The following INTS6 variants were observed in gnomAD, a reference collection of about 807,000 sequenced individuals.
The protein encoded by INTS6 is integrator complex subunit 6.
INTS6 carries 16 observed loss-of-function variants against 104.9 expected under a neutral mutation model. The ratio of observed to expected loss-of-function variants is 0.15; its 90% CI spans 0.10 to 0.23. The LOEUF (loss-of-function observed/expected upper bound fraction) is 0.23. INTS6 is among the 10% of genes least tolerant of loss of function. The pLI is 1.00. For missense variants in INTS6, 584 were observed against 1,062.8 expected (o/e 0.55, Z 6.26); for synonymous variants, 324 against 358.7 (o/e 0.90, Z 1.09).
In INTS6 at chr13:51,383,430, T is replaced by G. The variant is rs1260885549; in HGVS notation, c.1079A>C (p.Glu360Ala). The G allele has an allele frequency of 2.5e-6, 4 of 1,613,998 alleles. No homozygotes were observed. Among genetic ancestry groups the G allele is most frequent in the Non-Finnish European group, 3.4e-6 (4 of 1,179,960 alleles). ...CAAGTAACCAAAAGGATGACCAAGT[T>G]CACTGTATTTTGCACTATTGCTCAC... ...VYVSNSAKYS[E>A]LGHPFGYLKA... The change falls in exon 9 of 18, where the codon GAA (glutamate) becomes GCA (alanine). Residue 360 changes from glutamate (E) to alanine (A), a missense_variant. Transcript: ENST00000311234.
chr13:51,360,287 C>T (rs1955551489), downstream of INTS6, among the ~76,000 whole-genome samples: 1 of 151,652 alleles, frequency 6.6e-6, no homozygotes, highest in Admixed American at 6.6e-5. Flanking sequence ...AGCTGACTAG[C>T]ATACACTTTC....
At chr13:51,365,947 C>A in intron 17 of INTS6, 102 bp from the exon 18 acceptor site, 1 of 585,576 alleles carries the variant, frequency 1.7e-6, no homozygotes, top group Non-Finnish European at 2.9e-6. Context: ...GAAGATTTTT[C>A]AAAGTGAAAT....
chr13:51,368,617 T>C (rs1256487826), intron 16 of INTS6, among the ~76,000 whole-genome samples: 2 of 152,180 alleles, frequency 1.3e-5, no homozygotes, highest in African/African-American at 2.4e-5. Context: ...CATTTAATTT[T>C]CACTATATCT....
At chr13:51,367,169 A>G (rs749977832) in intron 17 of INTS6, among the ~76,000 whole-genome samples, 54 of 152,038 alleles carry the variant, frequency 3.6e-4, no homozygotes, top group Non-Finnish European at 7.2e-4. Flanking sequence ...TACATTATTT[A>G]TAATACTAAT....
At chr13:51,424,324 T>C (rs1245847244) in intron 4 of INTS6, among the ~76,000 whole-genome samples, 1 of 151,982 alleles carries the variant, frequency 6.6e-6, no homozygotes, top group Non-Finnish European at 1.5e-5. Context: ...AATTTCTCCA[T>C]TGTTGTGTTT....
chr13:51,434,654 T>C (rs74322538), intron 3 of INTS6, among the ~76,000 whole-genome samples: 1,733 of 152,226 alleles, frequency 0.011, 26 homozygotes, highest in East Asian at 0.071. Context: ...CTCTATTATA[T>C]AAATGTTTGA....
rs925488026 is a variant in INTS6 at position 51,452,637 on chromosome 13, C to A, written c.-112G>T. The A allele has an allele frequency of 2.7e-6, 4 of 1,505,388 alleles. No homozygotes were observed. The highest frequency in any genetic ancestry group is 3.6e-6 in the Non-Finnish European group (4 of 1,125,816). The allele number at this position is 1,505,388 out of a possible 1,614,324, so 93.3% of individuals were successfully genotyped here. On this transcript the variant is annotated 5_prime_UTR_variant, in exon 1 of 18. Coordinates refer to ENST00000311234, the MANE Select transcript of INTS6 (RefSeq NM_012141.3). The surrounding 1 kb of genome is among the most constrained non-coding windows in gnomAD (Gnocchi z 4.2). ...ACGCGGGGCGGGGGAGCACGGCCCC[C>A]GGGAGGAAAACACTGTCTGGGTCTT... is the stretch of plus-strand genomic sequence containing the variant.
chr13:51,362,759 AT>A lies in INTS6; in HGVS notation c.*2992del, dbSNP rs1384753503. 6.6e-6 allele frequency: 1 copy of A among 152,474 alleles called. No individual in the cohort carries two copies. Among genetic ancestry groups the A allele is most frequent in the Non-Finnish European group, 1.5e-5 (1 of 67,926 alleles). 9.4% of individuals were successfully genotyped at this position (152,474 alleles called of 1,614,324 possible). A position where few individuals can be genotyped will look rare whatever the true frequency, so the allele number is the denominator to read the frequency against. ...TAGTTTTACATAAATTGTTAAGGAA[AT>A]ACTGTCAACATCATTTTATCTGAGA... On this transcript the variant is annotated 3_prime_UTR_variant, in exon 18 of 18. Transcript: ENST00000311234.
chr13:51,452,998 C>A lies in INTS6; in HGVS notation c.-473G>T, dbSNP rs1953099598. 9.9e-7 allele frequency: 1 copy of A among 1,006,198 alleles called. No individual in the cohort carries two copies. Among genetic ancestry groups the A allele is most frequent in the Non-Finnish European group, 1.2e-6 (1 of 842,494 alleles). The allele number at this position is 1,006,198 out of a possible 1,614,324, so 62.3% of individuals were successfully genotyped here. A position where few individuals can be genotyped will look rare whatever the true frequency, so the allele number is the denominator to read the frequency against. ...TTCAGGGACTCCCTCCGCACCCCGG[C>A]GGTGTCACCACTTTCTCAGCCCCTC... On this transcript the variant is annotated 5_prime_UTR_variant, in exon 1 of 18. Coordinates refer to ENST00000311234, the MANE Select transcript of INTS6 (RefSeq NM_012141.3). The surrounding 1 kb of genome is among the most constrained non-coding windows in gnomAD (Gnocchi z 4.2).
intron 3 of INTS6, among the ~76,000 whole-genome samples, chr13:51,434,243 T>C (rs1409136641): frequency 6.6e-6 from 1 of 152,218 alleles, no homozygotes; most frequent in East Asian, 1.9e-4. Flanking sequence ...CATTAATTTC[T>C]TGATGTATAA....
Position 51,378,251 on chromosome 13 carries a change from A to C in INTS6, c.1590T>G (p.Ala530=). The part of the protein sequence containing the change: ...NMKEYTGFQV[A]LLNKDLKPQT... ...TCATGATTATTACCTTATTCAGCAAAGCAACTTGGAACCCAGTGTATTCCT... is the reference window on the plus strand; with the variant it reads ...TCATGATTATTACCTTATTCAGCAACGCAACTTGGAACCCAGTGTATTCCT... The change falls in exon 12 of 18, where the codon GCT becomes GCG. Residue 530 remains alanine, a synonymous_variant. Coordinates refer to ENST00000311234, the MANE Select transcript of INTS6 (RefSeq NM_012141.3). 1 of 1,612,272 alleles carries C rather than the reference A, an allele frequency of 6.2e-7. No homozygotes were observed. Among genetic ancestry groups the C allele is most frequent in the Non-Finnish European group, 8.5e-7 (1 of 1,178,454 alleles).
intron 4 of INTS6, among the ~76,000 whole-genome samples, chr13:51,407,544 A>T (rs1956592875): frequency 1.3e-5 from 2 of 152,204 alleles, no homozygotes; most frequent in Admixed American, 6.5e-5. Context: ...TCATAAAAGC[A>T]AAAATCCAGG....
At chr13:51,369,346 C>T (rs1007953826) in intron 15 of INTS6, 36 bp from the exon 16 acceptor site, 48 of 1,563,416 alleles carry the variant, frequency 3.1e-5, no homozygotes, top group Non-Finnish European at 3.9e-5. Flanking sequence ...ATTATGGGAT[C>T]CAGTCTCAAA....
rs149115928 is a variant in INTS6, at chr13:51,369,170, T to C, written c.2245A>G (p.Thr749Ala). The C allele has an allele frequency of 6.6e-4, 1,060 of 1,613,914 alleles. 10 individuals are homozygous for C. In the African/African-American group the frequency reaches 0.012, roughly 18 times the overall value. Reference protein sequence around the residue: ...SSPASLLERPTNHMEALGHDH... With the variant: ...SSPASLLERPANHMEALGHDH... ...TGACCAAGAGCCTCCATATGATTGG[T>C]TGGCCGTTCCAGTAAACTGGCTGGA... The change falls in exon 16 of 18, where the codon ACC (threonine) becomes GCC (alanine). Residue 749 changes from threonine to alanine, a missense_variant. Thr to Ala is a moderately conservative substitution (Grantham distance 58, BLOSUM62 0). Transcript: ENST00000311234.
At chr13:51,405,401 T>C (rs1293132369) in intron 4 of INTS6, among the ~76,000 whole-genome samples, 3 of 152,156 alleles carry the variant, frequency 2.0e-5, no homozygotes, top group Non-Finnish European at 4.4e-5. Flanking sequence ...AGGTCAAGCT[T>C]AAAGAAAATG....
chr13:51,451,296 G>C, intron 2 of INTS6, 122 bp from the exon 3 acceptor site: 1 of 663,794 alleles, frequency 1.5e-6, no homozygotes, highest in Non-Finnish European at 2.3e-6. Flanking sequence ...TGGTTAACGT[G>C]TTAATACTGT....
intron 10 of INTS6, among the ~76,000 whole-genome samples, chr13:51,380,817 G>A (rs1234969148): frequency 6.6e-6 from 1 of 152,166 alleles, no homozygotes; most frequent in Non-Finnish European, 1.5e-5. Flanking sequence ...CTATTTTGAA[G>A]TAATCAAGTC....
chr13:51,349,338 T>A (rs1955383438), downstream of INTS6, among the ~76,000 whole-genome samples: 1 of 152,160 alleles, frequency 6.6e-6, no homozygotes, highest in African/African-American at 2.4e-5. Flanking sequence ...TAAAGTGAGA[T>A]CTGGCATAAC....
intron 6 of INTS6, 119 bp downstream of exon 6, chr13:51,389,199 CT>C: frequency 1.1e-6 from 1 of 947,710 alleles, no homozygotes; most frequent in African/African-American, 1.7e-5. Context: ...TACCAACAGC[CT>C]TTCTGTCTTA....
Sources: gnomAD v4.1 joint callset for allele counts (sites outside exome capture counted in the v4.1 genomes callset) on GRCh38, gnomAD v4.1.1 for gene constraint, Gnocchi (gnomAD v3.1) non-coding constraint, MANE v1.5 for transcripts, NCBI Gene and HGNC (gene_info 2026-07-23, HGNC 2026-07-21) for gene names.